TUSC3: variants seen among roughly 807,000 people sequenced by gnomAD.
The protein encoded by TUSC3 is tumor suppressor candidate 3.
In TUSC3, 45 loss-of-function variants were observed where a neutral mutation model predicts 44.8. The observed-to-expected ratio is 1.00, with a 90% CI of 0.79 to 1.29. TUSC3 has a LOEUF of 1.29. Among genes scored for constraint, TUSC3 ranks in the 50% most tolerant of loss-of-function variants. The pLI is 0.00. For missense variants in TUSC3, 519 were observed against 437.9 expected (o/e 1.19, Z -1.65); for synonymous variants, 212 against 152.9 (o/e 1.39, Z -2.85).
At chr8:15,559,225 A>C (rs1337503019) in intron 1 of TUSC3, among the ~76,000 whole-genome samples, 1 of 141,752 alleles carries the variant, frequency 7.1e-6, no homozygotes, top group Admixed American at 7.1e-5. Context: ...TTGGTTTCAA[A>C]GAACATCTTT....
At chr8:15,735,851 T>C (rs1810907581) in intron 7 of TUSC3, among the ~76,000 whole-genome samples, 4 of 151,462 alleles carry the variant, frequency 2.6e-5, no homozygotes, top group Admixed American at 6.6e-5. Context: ...AGGTGCACGC[T>C]GCCACACCCG....
chr8:15,797,367 T>TC, the TUSC3 span, among the ~76,000 whole-genome samples: 1 of 152,242 alleles, frequency 6.6e-6, no homozygotes, highest in East Asian at 1.9e-4. Context: ...TTTTTTTGGC[T>TC]TTGAGGTCTG....
At chr8:15,697,095 CT>C (rs1282401168) in intron 6 of TUSC3, among the ~76,000 whole-genome samples, 3 of 152,222 alleles carry the variant, frequency 2.0e-5, no homozygotes, top group East Asian at 3.9e-4. Context: ...CTTGAATGAT[CT>C]TTTGTATTTC....
intron 2 of TUSC3, among the ~76,000 whole-genome samples, chr8:15,532,673 C>T (rs1053874343): frequency 3.3e-5 from 5 of 152,130 alleles, no homozygotes; most frequent in African/African-American, 1.2e-4. Context: ...GTGTCCCCAC[C>T]CAAATCTCAT....
chr8:15,475,221 AT>A (rs76380087), intron 1 of TUSC3, among the ~76,000 whole-genome samples: 5 of 151,904 alleles, frequency 3.3e-5, no homozygotes, highest in Non-Finnish European at 7.4e-5. Context: ...TATTAAATCC[AT>A]TTTTTTGATG....
chr8:15,751,172 C>G (rs97635), intron 9 of TUSC3, among the ~76,000 whole-genome samples: 62,122 of 151,904 alleles, frequency 0.41, 12,937 homozygotes, highest in Admixed American at 0.49. Flanking sequence ...TTAGATTCAA[C>G]TAGCCAAAAG....
the TUSC3 span, among the ~76,000 whole-genome samples, chr8:15,800,981 T>C: frequency 3.9e-5 from 6 of 152,134 alleles, no homozygotes; most frequent in Admixed American, 3.9e-4. Context: ...CTGCACTATT[T>C]TAGCTGTTAC....
chr8:15,436,642 C>T (rs1408266918), intron 1 of TUSC3, among the ~76,000 whole-genome samples: 6 of 152,040 alleles, frequency 3.9e-5, no homozygotes, highest in African/African-American at 1.4e-4. Flanking sequence ...TACTTATTGA[C>T]TATGTATATA....
At chr8:15,728,887 T>G (rs1375632173) in intron 6 of TUSC3, among the ~76,000 whole-genome samples, 3 of 151,940 alleles carry the variant, frequency 2.0e-5, no homozygotes, top group Non-Finnish European at 4.4e-5. Context: ...AAGATTGGGG[T>G]CCTGGAAGTC....
chr8:15,850,996 G>C, the TUSC3 span, among the ~76,000 whole-genome samples: 1 of 152,116 alleles, frequency 6.6e-6, no homozygotes, highest in Non-Finnish European at 1.5e-5. Flanking sequence ...CTATACTCTA[G>C]GTCTTCATTT....
chr8:15,629,158 A>G (rs959790353), intron 2 of TUSC3, among the ~76,000 whole-genome samples: 1 of 152,224 alleles, frequency 6.6e-6, no homozygotes, highest in Non-Finnish European at 1.5e-5. Context: ...TAATATCTAG[A>G]TTATAAAATT....
intron 8 of TUSC3, 91 bp downstream of exon 8, chr8:15,743,703 C>T: frequency 1.5e-6 from 2 of 1,350,346 alleles, no homozygotes; most frequent in Admixed American, 1.7e-5. Context: ...CCTTTGTAAA[C>T]AAACTTCTAA....
At chr8:15,500,519 C>T (rs143861520) in intron 2 of TUSC3, among the ~76,000 whole-genome samples, 69 of 152,188 alleles carry the variant, frequency 4.5e-4, no homozygotes, top group Middle Eastern at 6.8e-3. Context: ...AAAAGGAAAC[C>T]AGCATTTCAG....
intron 6 of TUSC3, among the ~76,000 whole-genome samples, chr8:15,700,684 A>G (rs1322644815): frequency 1.3e-5 from 2 of 152,028 alleles, no homozygotes; most frequent in Non-Finnish European, 2.9e-5. Context: ...ATTTGCTCCT[A>G]ATCATCTGAG....
At chr8:15,727,020 T>C (rs1405573063) in intron 6 of TUSC3, among the ~76,000 whole-genome samples, 1 of 152,162 alleles carries the variant, frequency 6.6e-6, no homozygotes, top group African/African-American at 2.4e-5. Flanking sequence ...CCTGAGTTAC[T>C]GATACGTCCC....
intron 6 of TUSC3, among the ~76,000 whole-genome samples, chr8:15,684,494 G>T (rs1004162264): frequency 1.3e-5 from 2 of 152,128 alleles, no homozygotes; most frequent in Non-Finnish European, 2.9e-5. Context: ...CCAGGAGCAG[G>T]CCCAACCGGC....
chr8:15,654,819 A>G (rs1807082717), intron 3 of TUSC3, among the ~76,000 whole-genome samples: 1 of 152,122 alleles, frequency 6.6e-6, no homozygotes, highest in African/African-American at 2.4e-5. Context: ...AATAAATAAA[A>G]TAGTTTTCAT....
At chr8:15,639,833 T>C (rs1210338854) in intron 2 of TUSC3, among the ~76,000 whole-genome samples, 1 of 140,380 alleles carries the variant, frequency 7.1e-6, no homozygotes, top group Non-Finnish European at 1.6e-5. Context: ...TCAGTCAATA[T>C]GAGTAAAACC....
At chr8:15,515,726 C>G (rs1278849064) in intron 2 of TUSC3, among the ~76,000 whole-genome samples, 2 of 151,998 alleles carry the variant, frequency 1.3e-5, no homozygotes, top group Admixed American at 1.3e-4. Flanking sequence ...GGAGGGCAGT[C>G]ATGCAATCTC....
Sources: gnomAD v4.1 joint callset for allele counts (sites outside exome capture counted in the v4.1 genomes callset) on GRCh38, gnomAD v4.1.1 for gene constraint, MANE v1.5 for transcripts, NCBI Gene and HGNC (gene_info 2026-07-23, HGNC 2026-07-21) for gene names.